ALDH7A1: variants seen among roughly 807,000 people sequenced by gnomAD.
ALDH7A1 encodes alpha-aminoadipic semialdehyde dehydrogenase.
Under a neutral mutation model 79.9 loss-of-function variants are expected in ALDH7A1, and 63 were observed. The ratio of observed to expected loss-of-function variants is 0.79; its 90% CI spans 0.64 to 0.97. The LOEUF (loss-of-function observed/expected upper bound fraction) is 0.97, where lower values mean the gene tolerates loss of function less well. Among genes scored for constraint, ALDH7A1 ranks in the 50% least tolerant of loss-of-function variants. ALDH7A1 has a pLI of 0.00. For missense variants in ALDH7A1, 627 were observed against 665.2 expected (o/e 0.94, Z 0.63); for synonymous variants, 240 against 231.2 (o/e 1.04, Z -0.34).
intron 13 of ALDH7A1, among the ~76,000 whole-genome samples, chr5:126,553,808 T>C (rs1750083450): frequency 6.6e-6 from 1 of 151,488 alleles, no homozygotes; most frequent in Non-Finnish European, 1.5e-5. Flanking sequence ...AGCAAGACCC[T>C]GTCACAAAAA....
chr5:126,570,557 TAACA>T (rs1382072543), intron 8 of ALDH7A1: 8 of 518,858 alleles, frequency 1.5e-5, no homozygotes, highest in Non-Finnish European at 2.8e-5. Flanking sequence ...ATAAACACCT[TAACA>T]AATAGTACCT....
intron 17 of ALDH7A1, among the ~76,000 whole-genome samples, chr5:126,545,237 C>T (rs1749746995): frequency 6.6e-6 from 1 of 151,958 alleles, no homozygotes; most frequent in African/African-American, 2.4e-5. Context: ...GAAAGACATA[C>T]CATACATGGT....
At position 126,555,944 on chromosome 5, in the gene ALDH7A1, C is replaced by T. The variant is rs779387233; in HGVS notation, c.1080G>A (p.Gly360=). The part of the protein sequence containing the change: ...LKKAYAQIRV[G]NPWDPNVLYG... ...GGAGATACTCACGGTCCCATGGGTT[C>T]CCAACTCGGATCTGTGCATAGGCCT... Residue 360 remains glycine, a synonymous_variant, in exon 12 of 18, where the codon GGG becomes GGA. Coordinates refer to ENST00000409134, the MANE Select transcript of ALDH7A1 (RefSeq NM_001182.5). 5 of 1,613,100 alleles carry T rather than the reference C, an allele frequency of 3.1e-6. No individual in the cohort carries two copies. In the Admixed American group the frequency reaches 8.3e-5, roughly 27 times the overall value.
chr5:126,546,687 G>C (rs570566259), intron 16 of ALDH7A1, among the ~76,000 whole-genome samples: 39 of 151,892 alleles, frequency 2.6e-4, no homozygotes, highest in African/African-American at 9.4e-4. Context: ...TGGGCGTGGT[G>C]GTGCATGCCT....
chr5:126,554,164 A>G, intron 13 of ALDH7A1, 123 bp downstream of exon 13: 1 of 731,222 alleles, frequency 1.4e-6, no homozygotes, highest in East Asian at 2.6e-5. Context: ...ATATATATAA[A>G]TAAAGACAGG....
intron 7 of ALDH7A1, chr5:126,571,150 ATTTTTTTTTTT>A (rs386404930): frequency 0.19 from 41,337 of 221,772 alleles, 6,056 homozygotes; most frequent in African/African-American, 0.57. Context: ...CTATTAGCAG[ATTTTTTTTTTT>A]TTTTTTTTTT....
At chr5:126,548,946 T>G (rs926637370) in intron 16 of ALDH7A1, among the ~76,000 whole-genome samples, 1 of 146,456 alleles carries the variant, frequency 6.8e-6, no homozygotes, top group Admixed American at 6.9e-5. Flanking sequence ...TGGAGGCACA[T>G]GCCTGTAATC....
intron 9 of ALDH7A1, among the ~76,000 whole-genome samples, chr5:126,567,063 G>A (rs969284934): frequency 6.6e-6 from 1 of 152,172 alleles, no homozygotes; most frequent in Non-Finnish European, 1.5e-5. Context: ...CACACATTAG[G>A]TCATAGCCTG....
intron 5 of ALDH7A1, among the ~76,000 whole-genome samples, chr5:126,578,626 A>ATC (rs1751059648): frequency 2.1e-5 from 3 of 145,978 alleles, no homozygotes; most frequent in Non-Finnish European, 4.5e-5. Context: ...ACAACAGAGT[A>ATC]AGACCCTGTA....
rs750472760 is a variant in ALDH7A1 at position 126,566,004 on chromosome 5, G to A, written c.871+2255C>T. 3.3e-5 allele frequency among the ~76,000 whole-genome samples: 5 copies of A among 152,270 alleles called. No homozygotes were observed. The South Asian group carries it at 1.0e-3, about 32-fold the overall frequency. On this transcript the variant is annotated intron_variant, in intron 9 of 17. Coordinates refer to ENST00000409134, the MANE Select transcript of ALDH7A1 (RefSeq NM_001182.5). ...ATCATAGTTTTGCCGTAAATTTTTT[G>A]ACTGAGAAGTGAGAGTCCTTCAATT...
intron 3 of ALDH7A1, among the ~76,000 whole-genome samples, chr5:126,585,853 T>C (rs992991242): frequency 2.6e-5 from 4 of 152,140 alleles, no homozygotes; most frequent in African/African-American, 4.8e-5. Context: ...ATGACATTCC[T>C]ACCCTTTAAC....
chr5:126,578,765 C>G (rs1702354714), intron 5 of ALDH7A1, among the ~76,000 whole-genome samples: 1 of 152,088 alleles, frequency 6.6e-6, no homozygotes, highest in African/African-American at 2.4e-5. Flanking sequence ...TTAAAGGCAG[C>G]TGGACAGTAT....
chr5:126,574,501 C>G (rs1750898468), intron 7 of ALDH7A1, among the ~76,000 whole-genome samples: 1 of 151,864 alleles, frequency 6.6e-6, no homozygotes, highest in African/African-American at 2.4e-5. Flanking sequence ...CAAGACCATC[C>G]TGGCTAACAC....
chr5:126,556,650 C>T (rs1160260647), intron 11 of ALDH7A1, among the ~76,000 whole-genome samples: 3 of 152,164 alleles, frequency 2.0e-5, no homozygotes, highest in African/African-American at 7.2e-5. Context: ...ACCCTAAGTC[C>T]CAGTGAACAC....
chr5:126,575,456 G>A lies in ALDH7A1; in HGVS notation c.659C>T (p.Ala220Val), dbSNP rs1750933033. Residue 220 changes from alanine (A) to valine (V), a missense_variant, in exon 7 of 18, where the codon GCT becomes GTT. Physicochemically the swap from Ala to Val is moderately conservative, Grantham distance 64 (BLOSUM62 0). Transcript: ENST00000409134. ...CACACTAATGAGGGAAGTGGTTGGA[G>A]CTCCTTTCCTTAAGAAGGTTAAAAC... is the stretch of plus-strand genomic sequence containing the variant. The part of the protein sequence containing the change: ...ICGNVCLWKG[A>V]PTTSLISVAV... 6.2e-7 allele frequency: 1 copy of A among 1,612,706 alleles called. No homozygotes were observed. Among genetic ancestry groups the A allele is most frequent in the African/African-American group, 1.3e-5 (1 of 74,876 alleles).
intron 9 of ALDH7A1, chr5:126,564,478 T>C (rs1282077758): frequency 4.3e-6 from 5 of 1,171,380 alleles, no homozygotes; most frequent in Non-Finnish European, 5.4e-6. Context: ...GATCTTTTGA[T>C]CATCGATTTC....
intron 5 of ALDH7A1, among the ~76,000 whole-genome samples, chr5:126,579,625 A>C (rs1242784283): frequency 1.3e-5 from 2 of 151,034 alleles, no homozygotes; most frequent in African/African-American, 2.5e-5. Context: ...AGTTACCCCA[A>C]AGTCTCTACA....
At position 126,577,677 on chromosome 5, in the gene ALDH7A1, G is replaced by A. The variant is rs182421929; in HGVS notation, c.518-466C>T. Among the ~76,000 whole-genome samples, 27 of 152,050 alleles carry A rather than the reference G, an allele frequency of 1.8e-4. No individual in the cohort carries two copies. In the East Asian group the frequency reaches 4.1e-3, roughly 23 times the overall value. On this transcript the variant is annotated intron_variant, in intron 5 of 17. Coordinates refer to ENST00000409134, the MANE Select transcript of ALDH7A1 (RefSeq NM_001182.5). ...CACCTCCCGAGTTCAAGCAATCCTC[G>A]AGCCCCACCCTCCTGAGTAGCTGGG...
rs1750393147 is a variant in ALDH7A1, at chr5:126,561,210, A to C, written c.872-86T>G. 2.8e-6 allele frequency: 3 copies of C among 1,084,600 alleles called. No homozygotes were observed. The South Asian group carries it at 4.6e-5, about 17-fold the overall frequency. 67.2% of individuals were successfully genotyped at this position (1,084,600 alleles called of 1,614,324 possible). Reference sequence around the variant, plus strand: ...CTACACAGCCTAATCCCAATTATTAAATTATATAGCCTGTCCAATTATTTT... The same window carrying C: ...CTACACAGCCTAATCCCAATTATTACATTATATAGCCTGTCCAATTATTTT... On this transcript the variant is annotated intron_variant, in intron 9 of 17. Transcript: ENST00000409134.
Sources: allele counts gnomAD v4.1 joint callset (sites outside exome capture counted in the v4.1 genomes callset), GRCh38; gene constraint gnomAD v4.1.1; transcripts MANE v1.5; gene names NCBI Gene and HGNC (gene_info 2026-07-23, HGNC 2026-07-21).